UGT2A1: variants seen among roughly 807,000 people sequenced by gnomAD.
The protein encoded by UGT2A1 is UDP-glucuronosyltransferase 2A1.
In UGT2A1, 61 loss-of-function variants were observed where a neutral mutation model predicts 45.4. The ratio of observed to expected loss-of-function variants is 1.34; its 90% CI spans 1.09 to 1.66. The LOEUF (loss-of-function observed/expected upper bound fraction) is 1.66. Among genes scored for constraint, UGT2A1 ranks in the 40% most tolerant of loss-of-function variants. UGT2A1 has a pLI of 0.00. For missense variants in UGT2A1, 649 were observed against 574.3 expected (o/e 1.13, Z -1.33); for synonymous variants, 229 against 196.2 (o/e 1.17, Z -1.40).
chr4:69,639,401 A>G (rs748886353), intron 2 of UGT2A1: 1 of 1,613,542 alleles, frequency 6.2e-7, no homozygotes, highest in Admixed American at 1.7e-5. Flanking sequence ...GTATCACTTC[A>G]AAATTCACAG....
rs768323627 is a variant in UGT2A1, at chr4:69,596,294, T to C, written c.997-1045A>G. On this transcript the variant is annotated intron_variant, in intron 4 of 6. Transcript: ENST00000286604. ...AGGGCTGAGGCAATAAGATTGGCCT[T>C]TTCTTCTGTAAGGTTTTTGACCATT... 5 of 1,607,702 alleles carry C rather than the reference T, an allele frequency of 3.1e-6. No homozygotes were observed. The South Asian group carries it at 4.4e-5, about 14-fold the overall frequency.
chr4:69,624,152 C>T (rs530282230), intron 3 of UGT2A1, among the ~76,000 whole-genome samples: 18 of 151,600 alleles, frequency 1.2e-4, no homozygotes, highest in Admixed American at 3.3e-4. Flanking sequence ...ACTTTCTTTA[C>T]GTTGATCCTC....
At chr4:69,608,844 TG>T (rs1719848278) in intron 3 of UGT2A1, among the ~76,000 whole-genome samples, 2 of 151,978 alleles carry the variant, frequency 1.3e-5, no homozygotes, top group African/African-American at 4.8e-5. Context: ...CACAGGCACA[TG>T]CCACCATGTC....
At chr4:69,631,785 A>G (rs1330395818) in intron 3 of UGT2A1, among the ~76,000 whole-genome samples, 1 of 152,186 alleles carries the variant, frequency 6.6e-6, no homozygotes, top group Non-Finnish European at 1.5e-5. Flanking sequence ...ACTAGGCTCC[A>G]CTGATGCTGG....
chr4:69,625,294 A>T (rs1163810672), intron 3 of UGT2A1, among the ~76,000 whole-genome samples: 1 of 150,594 alleles, frequency 6.6e-6, no homozygotes, highest in Non-Finnish European at 1.5e-5. Flanking sequence ...TACTTGGTTA[A>T]TTGAACTTCT....
rs1721664747 is a variant in UGT2A1, at chr4:69,635,842, A to AAAAAAAAAAAAAAAAG, written c.716-21_716-20insCTTTTTTTTTTTTTTT. 2 of 144,128 alleles carry AAAAAAAAAAAAAAAAG rather than the reference A, an allele frequency of 1.4e-5. No individual in the cohort carries two copies. The highest frequency in any genetic ancestry group is 5.6e-5 in the African/African-American group (2 of 35,666). The allele number at this position is 144,128 out of a possible 1,614,324, so 8.9% of individuals were successfully genotyped here. ...GTCCACCTCACCAAAAAAAAAAAAAAAAAAAAAAGAGAGAGAGAGAGAGAA... is the reference window on the plus strand; with the variant it reads ...GTCCACCTCACCAAAAAAAAAAAAAAAAAAAAAAAAAAAAAGAAAAAAAAGAGAGAGAGAGAGAGAA... On this transcript the variant is annotated intron_variant, in intron 2 of 6. Coordinates refer to ENST00000286604, the MANE Select transcript of UGT2A1 (RefSeq NM_001252275.3).
At chr4:69,590,692 A>G (rs1718545674) in intron 6 of UGT2A1, among the ~76,000 whole-genome samples, 1 of 151,998 alleles carries the variant, frequency 6.6e-6, no homozygotes, top group East Asian at 1.9e-4. Context: ...GAAAAAGAAT[A>G]TAAGTAAGTA....
At chr4:69,641,628 C>G (rs1019055448) in intron 2 of UGT2A1, among the ~76,000 whole-genome samples, 1 of 151,796 alleles carries the variant, frequency 6.6e-6, no homozygotes, top group Non-Finnish European at 1.5e-5. Context: ...TTTAGATGTA[C>G]TTTTAGTTTT....
intron 1 of UGT2A1, among the ~76,000 whole-genome samples, chr4:69,648,701 G>A (rs1488814612): frequency 6.6e-6 from 1 of 151,774 alleles, no homozygotes; most frequent in Non-Finnish European, 1.5e-5. Flanking sequence ...TTACTTATTG[G>A]GTACAATGGA....
intron 4 of UGT2A1, among the ~76,000 whole-genome samples, 182 bp downstream of exon 4, chr4:69,599,064 C>T (rs1378441732): frequency 2.0e-5 from 3 of 152,034 alleles, no homozygotes; most frequent in Non-Finnish European, 4.4e-5. Context: ...TTTAAATTGT[C>T]AATGTAAAGT....
rs186870700 is a variant in UGT2A1, at chr4:69,642,953, T to A, written c.715+3977A>T. Among the ~76,000 whole-genome samples, 595 of 151,642 alleles carry A rather than the reference T, an allele frequency of 3.9e-3. 4 individuals carry two copies. The highest frequency in any genetic ancestry group is 0.013 in the African/African-American group (528 of 41,476). ...TGTGCCCAGTTTTGGTGTTTTTTTT[T>A]AAATAAAAGTAAAAATGAAATACCT... is the stretch of plus-strand genomic sequence containing the variant. On this transcript the variant is annotated intron_variant, in intron 2 of 6. Transcript: ENST00000286604.
At chr4:69,650,485 A>T (rs1449565836) in intron 1 of UGT2A1, among the ~76,000 whole-genome samples, 1 of 152,038 alleles carries the variant, frequency 6.6e-6, no homozygotes, top group East Asian at 1.9e-4. Flanking sequence ...TATTTATTAG[A>T]CTCAATTTTC....
At chr4:69,642,592 T>C (rs1332981450) in intron 2 of UGT2A1, among the ~76,000 whole-genome samples, 1 of 151,708 alleles carries the variant, frequency 6.6e-6, no homozygotes, top group African/African-American at 2.4e-5. Flanking sequence ...TAGCACTTTA[T>C]TTTACATTAA....
chr4:69,643,645 A>G (rs1444429372), intron 2 of UGT2A1, among the ~76,000 whole-genome samples: 1 of 151,612 alleles, frequency 6.6e-6, no homozygotes, highest in Non-Finnish European at 1.5e-5. Context: ...TAAAATGAGT[A>G]ATTTTACATT....
At chr4:69,643,435 C>T (rs975969074) in intron 2 of UGT2A1, among the ~76,000 whole-genome samples, 1 of 151,522 alleles carries the variant, frequency 6.6e-6, no homozygotes, top group Non-Finnish European at 1.5e-5. Context: ...ATAATTTTAA[C>T]ATGTTTGATA....
chr4:69,653,038 A>G (rs965174896), intron 1 of UGT2A1, 150 bp downstream of exon 1: 1 of 152,264 alleles, frequency 6.6e-6, no homozygotes, highest in African/African-American at 2.4e-5. Context: ...ATTATAAAGT[A>G]GAACTAATAA....
intron 1 of UGT2A1, among the ~76,000 whole-genome samples, chr4:69,651,101 A>G (rs902750466): frequency 2.6e-5 from 4 of 152,246 alleles, no homozygotes; most frequent in African/African-American, 9.6e-5. Context: ...CAGAAATATG[A>G]TCAGTATTAA....
intron 3 of UGT2A1, among the ~76,000 whole-genome samples, chr4:69,616,833 C>CTTTTTTTTTTTTTTT (rs4148315): frequency 3.1e-5 from 4 of 127,260 alleles, no homozygotes; most frequent in Non-Finnish European, 4.9e-5. Context: ...ATTTTCTTTT[C>CTTTTTTTTTTTTTTT]TTTTTTTTTT....
chr4:69,638,721 C>T (rs557141301), intron 2 of UGT2A1, among the ~76,000 whole-genome samples: 6 of 151,998 alleles, frequency 3.9e-5, no homozygotes, highest in Non-Finnish European at 8.8e-5. Context: ...ATTAATACCA[C>T]CATTTCATTG....
Sources: gnomAD v4.1 joint callset for allele counts (sites outside exome capture counted in the v4.1 genomes callset) on GRCh38, gnomAD v4.1.1 for gene constraint, MANE v1.5 for transcripts, NCBI Gene and HGNC (gene_info 2026-07-23, HGNC 2026-07-21) for gene names.